The following EFR3A variants were observed in gnomAD, a reference collection of about 807,000 sequenced individuals.
EFR3A encodes the protein EFR3 homolog A, also known as protein EFR3 homolog A.
EFR3A carries 76 observed loss-of-function variants against 104.4 expected under a neutral mutation model. The observed-to-expected ratio is 0.73, with a 90% CI of 0.60 to 0.88. The LOEUF (loss-of-function observed/expected upper bound fraction) is 0.88, where lower values mean the gene tolerates loss of function less well. Among genes scored for constraint, EFR3A ranks in the 40% least tolerant of loss-of-function variants. The pLI, the probability that EFR3A is intolerant of heterozygous loss-of-function variation, is 0.00. For missense variants in EFR3A, 985 were observed against 1,012.5 expected (o/e 0.97, Z 0.37); for synonymous variants, 330 against 330.0 (o/e 1.00, Z 0.00).
In EFR3A at chr8:131,904,199, C is replaced by T. The variant is rs1320334980; in HGVS notation, c.-114C>T. ...CGCTCCCTCCACCCTTCGCCCTTCG[C>T]CCTTCGCCTCGTTCCGGCCTCCGCG... On this transcript the variant is annotated 5_prime_UTR_variant, in exon 1 of 23. Transcript: ENST00000254624. The T allele has an allele frequency of 1.7e-6, 2 of 1,181,552 alleles. No individual in the cohort carries two copies. Among genetic ancestry groups the T allele is most frequent in the Non-Finnish European group, 2.1e-6 (2 of 935,350 alleles). 73.2% of individuals were successfully genotyped at this position (1,181,552 alleles called of 1,614,324 possible). A position where few individuals can be genotyped will look rare whatever the true frequency, so the allele number is the denominator to read the frequency against.
At chr8:131,958,997 G>T (rs1024170762) in intron 7 of EFR3A, among the ~76,000 whole-genome samples, 2 of 152,090 alleles carry the variant, frequency 1.3e-5, no homozygotes, top group African/African-American at 4.8e-5. Flanking sequence ...GGACATATAG[G>T]TAGAAAATGA....
intron 8 of EFR3A, among the ~76,000 whole-genome samples, chr8:131,965,430 C>T (rs974968949): frequency 1.3e-5 from 2 of 152,206 alleles, no homozygotes; most frequent in Non-Finnish European, 2.9e-5. Flanking sequence ...CAAAAGAAGA[C>T]ATTTATGCAG....
intron 8 of EFR3A, among the ~76,000 whole-genome samples, chr8:131,961,815 T>C (rs1423386150): frequency 1.3e-5 from 2 of 152,090 alleles, no homozygotes; most frequent in Admixed American, 1.3e-4. Context: ...GAGAGAAAGG[T>C]CGGGTTACCC....
In EFR3A at chr8:131,970,606, T is replaced by C. The variant is rs1452255528; in HGVS notation, c.1122T>C (p.Asp374=). ...TAAATACAAGTTCCAAAGACAATGA[T>C]GAGAAGATTGTGCAGAATGCTATCA... ...VNLNTSSKDN[D]EKIVQNAIIQ... is the part of the protein sequence containing the mutation. The change falls in exon 10 of 23, where the codon GAT becomes GAC. Residue 374 remains aspartate (D), a synonymous_variant. Transcript: ENST00000254624. 1.2e-6 allele frequency: 2 copies of C among 1,613,702 alleles called. No homozygotes were observed. The highest frequency in any genetic ancestry group is 1.7e-6 in the Non-Finnish European group (2 of 1,179,798).
chr8:131,987,495 C>T (rs1379033914), intron 17 of EFR3A, 80 bp from the exon 18 acceptor site: 3 of 1,409,526 alleles, frequency 2.1e-6, no homozygotes, highest in East Asian at 2.5e-5. Context: ...GAGGCTTTTG[C>T]TCTGGAATGT....
At position 132,008,846 on chromosome 8, in the gene EFR3A, CAAAAAAAAA is replaced by C. The variant is rs55964352; in HGVS notation, c.2361-1924_2361-1916del. Reference sequence around the variant, plus strand: ...GGGTGACAAGAGTAAAACTCCATCTCAAAAAAAAAAAAAAAAAAAAAAAAAAAAGAAAGT... The same window carrying C: ...GGGTGACAAGAGTAAAACTCCATCTCAAAAAAAAAAAAAAAAAAAGAAAGT... On this transcript the variant is annotated intron_variant, in intron 22 of 22. Coordinates refer to ENST00000254624, the MANE Select transcript of EFR3A (RefSeq NM_015137.6). 1.3e-3 allele frequency among the ~76,000 whole-genome samples: 42 copies of C among 32,168 alleles called. No homozygotes were observed. In the South Asian group the frequency reaches 0.034, roughly 26 times the overall value. The allele number at this position is 32,168 out of a possible 152,430, so 21.1% of individuals were successfully genotyped here.
At chr8:131,974,445 G>A (rs984204006) in intron 10 of EFR3A, among the ~76,000 whole-genome samples, 1 of 152,118 alleles carries the variant, frequency 6.6e-6, no homozygotes, top group Non-Finnish European at 1.5e-5. Flanking sequence ...GAAGGTCAGT[G>A]TCCAGTTTTC....
intron 20 of EFR3A, 56 bp from the exon 21 acceptor site, chr8:132,002,547 T>C: frequency 7.0e-7 from 1 of 1,421,518 alleles, no homozygotes; most frequent in Non-Finnish European, 9.8e-7. Flanking sequence ...GGTCATTGAC[T>C]GGGTTCTGTG....
rs752391803 is a variant in EFR3A, at chr8:131,904,140, G to C, written c.-173G>C. The C allele has an allele frequency of 4.2e-6, 3 of 708,662 alleles. No homozygotes were observed. The highest frequency in any genetic ancestry group is 3.7e-5 in the African/African-American group (2 of 53,828). 43.9% of individuals were successfully genotyped at this position (708,662 alleles called of 1,614,324 possible). A position where few individuals can be genotyped will look rare whatever the true frequency, so the allele number is the denominator to read the frequency against. ...GAGTGGGCTGGCGGCGGTAGCTGTC[G>C]CCCGCTTGGTTGCGTGACCGCGGGG... is the stretch of plus-strand genomic sequence containing the variant. On this transcript the variant is annotated 5_prime_UTR_variant, in exon 1 of 23. Transcript: ENST00000254624.
intron 1 of EFR3A, among the ~76,000 whole-genome samples, chr8:131,916,688 T>TA (rs1256581450): frequency 6.6e-6 from 1 of 152,202 alleles, no homozygotes; most frequent in African/African-American, 2.4e-5. Flanking sequence ...TTTAAACAAA[T>TA]ACCATTGCAA....
At chr8:131,923,325 T>C (rs1380097753) in intron 1 of EFR3A, among the ~76,000 whole-genome samples, 2 of 152,126 alleles carry the variant, frequency 1.3e-5, no homozygotes, top group Admixed American at 6.6e-5. Context: ...TTTTTGTGGG[T>C]ATGCACTGAA....
At chr8:132,000,155 G>A (rs1346739473) in intron 19 of EFR3A, among the ~76,000 whole-genome samples, 1 of 152,128 alleles carries the variant, frequency 6.6e-6, no homozygotes, top group African/African-American at 2.4e-5. Flanking sequence ...TTGAGACGGA[G>A]TCTTGTTCTG....
intron 8 of EFR3A, among the ~76,000 whole-genome samples, chr8:131,966,898 T>G (rs529834433): frequency 2.0e-5 from 3 of 152,280 alleles, no homozygotes; most frequent in African/African-American, 7.2e-5. Context: ...CACTCCATAT[T>G]CTTTTGTTTA....
intron 18 of EFR3A, among the ~76,000 whole-genome samples, chr8:131,993,826 C>T (rs1821336235): frequency 6.6e-6 from 1 of 152,030 alleles, no homozygotes; most frequent in Admixed American, 6.6e-5. Context: ...CAAACCAACA[C>T]AGTAACAGAA....
chr8:131,904,785 C>T (rs868457042), intron 1 of EFR3A, among the ~76,000 whole-genome samples: 1 of 152,254 alleles, frequency 6.6e-6, no homozygotes, highest in Admixed American at 6.5e-5. Context: ...AACTCGGCGT[C>T]CGTATCGCCG....
At chr8:131,923,378 C>G (rs1266591519) in intron 1 of EFR3A, among the ~76,000 whole-genome samples, 4 of 151,866 alleles carry the variant, frequency 2.6e-5, no homozygotes, top group Admixed American at 2.6e-4. Context: ...ACTATATTAT[C>G]TTTTCTATTC....
chr8:131,993,998 G>A (rs1430110773), intron 18 of EFR3A, among the ~76,000 whole-genome samples: 1 of 151,926 alleles, frequency 6.6e-6, no homozygotes, highest in African/African-American at 2.4e-5. Flanking sequence ...TTAATATGTG[G>A]GTGATGAAAT....
intron 14 of EFR3A, among the ~76,000 whole-genome samples, chr8:131,980,785 T>G (rs1351046721): frequency 6.6e-6 from 1 of 152,026 alleles, no homozygotes; most frequent in Non-Finnish European, 1.5e-5. Flanking sequence ...TGAAACCTTG[T>G]AACCTTTGAT....
At chr8:131,971,579 G>A (rs1042148791) in intron 10 of EFR3A, among the ~76,000 whole-genome samples, 4 of 151,666 alleles carry the variant, frequency 2.6e-5, no homozygotes, top group South Asian at 2.1e-4. Context: ...TCCCAGCTAC[G>A]CGGGAGGCTG....
Sources: gnomAD v4.1 joint callset for allele counts (sites outside exome capture counted in the v4.1 genomes callset) on GRCh38, gnomAD v4.1.1 for gene constraint, MANE v1.5 for transcripts, NCBI Gene and HGNC (gene_info 2026-07-23, HGNC 2026-07-21) for gene names.